CSMD1: variants seen among roughly 807,000 people sequenced by gnomAD.
The protein encoded by CSMD1 is CUB and sushi domain-containing protein 1.
Under a neutral mutation model 417.5 loss-of-function variants are expected in CSMD1, and 213 were observed. That is an observed-to-expected ratio of 0.51 (90% CI 0.46 to 0.57). The LOEUF (loss-of-function observed/expected upper bound fraction) is 0.57. Ranked by LOEUF, CSMD1 falls within the 20% of genes least tolerant of loss-of-function variation. The pLI, the probability that CSMD1 is intolerant of heterozygous loss-of-function variation, is 0.00. For missense variants in CSMD1, 6,923 were observed against 4,529.7 expected (o/e 1.53, Z -15.17); for synonymous variants, 2,862 against 1,736.8 (o/e 1.65, Z -16.11).
At chr8:3,144,636 TACA>T (rs1235307663) in intron 40 of CSMD1, among the ~76,000 whole-genome samples, 1 of 152,116 alleles carries the variant, frequency 6.6e-6, no homozygotes, top group East Asian at 1.9e-4. Context: ...TCTTTAAATT[TACA>T]ACATTTCTGC....
intron 3 of CSMD1, among the ~76,000 whole-genome samples, chr8:4,377,808 G>C (rs1802851221): frequency 6.6e-6 from 1 of 152,122 alleles, no homozygotes; most frequent in African/African-American, 2.4e-5. Context: ...TTGTACAATT[G>C]TTTAGCTTTG....
intron 1 of CSMD1, among the ~76,000 whole-genome samples, chr8:4,929,972 T>C (rs1056534651): frequency 1.3e-5 from 2 of 152,220 alleles, no homozygotes; most frequent in Non-Finnish European, 2.9e-5. Flanking sequence ...TGTTGTGAGA[T>C]CAGGAATTTT....
At chr8:3,758,415 T>C (rs13270331) in intron 5 of CSMD1, among the ~76,000 whole-genome samples, 23,355 of 152,212 alleles carry the variant, frequency 0.15, 1,844 homozygotes, top group Admixed American at 0.19. Flanking sequence ...GTTAAACAAA[T>C]GTTCATAGAC....
At chr8:4,403,833 T>C (rs1019839388) in intron 3 of CSMD1, among the ~76,000 whole-genome samples, 17 of 152,164 alleles carry the variant, frequency 1.1e-4, no homozygotes, top group African/African-American at 2.9e-4. Flanking sequence ...GCATCTGCCA[T>C]TGGGTGTCTG....
intron 5 of CSMD1, among the ~76,000 whole-genome samples, chr8:3,758,353 T>A (rs1467407801): frequency 6.6e-6 from 1 of 152,214 alleles, no homozygotes; most frequent in African/African-American, 2.4e-5. Context: ...TTCAAATGAA[T>A]TGTACCCCGA....
chr8:3,662,083 G>A (rs1218986949), intron 7 of CSMD1, among the ~76,000 whole-genome samples: 2 of 152,128 alleles, frequency 1.3e-5, no homozygotes, highest in Non-Finnish European at 2.9e-5. Context: ...TAGAAACAGA[G>A]AAGGAGCATG....
At chr8:4,600,439 A>T (rs1226889556) in intron 2 of CSMD1, among the ~76,000 whole-genome samples, 1 of 152,194 alleles carries the variant, frequency 6.6e-6, no homozygotes, top group African/African-American at 2.4e-5. Flanking sequence ...TCAGAAATAA[A>T]TTCAAGTGAT....
chr8:4,172,574 C>G (rs1201030709), intron 3 of CSMD1, among the ~76,000 whole-genome samples: 1 of 152,226 alleles, frequency 6.6e-6, no homozygotes, highest in East Asian at 1.9e-4. Context: ...AAATCCAGAA[C>G]TGTATATATG....
chr8:3,300,358 G>A (rs775729454), intron 25 of CSMD1, among the ~76,000 whole-genome samples: 4 of 150,838 alleles, frequency 2.7e-5, no homozygotes, highest in Non-Finnish European at 5.9e-5. Context: ...ACTACATTTA[G>A]GGGTTTTTTT....
intron 2 of CSMD1, among the ~76,000 whole-genome samples, chr8:4,598,353 G>A (rs1800392058): frequency 6.6e-6 from 1 of 152,298 alleles, no homozygotes; most frequent in East Asian, 1.9e-4. Context: ...GGTGTTGGAG[G>A]TTAGGGGCTG....
chr8:4,971,569 G>A (rs1396380722), intron 1 of CSMD1, among the ~76,000 whole-genome samples: 3 of 151,890 alleles, frequency 2.0e-5, no homozygotes, highest in African/African-American at 7.2e-5. Context: ...AATATATTTA[G>A]CAGTAGGCTA....
At position 4,184,418 on chromosome 8, in the gene CSMD1, TC is replaced by T. The variant is rs56804034; in HGVS notation, c.416-152320del. Reference sequence around the variant, plus strand: ...AATAATCTGGAGCATATGAGGATGTTCCTTGCGGCACTATTCACAATATCAA... The same window carrying T: ...AATAATCTGGAGCATATGAGGATGTTCTTGCGGCACTATTCACAATATCAA... On this transcript the variant is annotated intron_variant, in intron 3 of 69. Transcript: ENST00000635120. 4.9e-3 allele frequency among the ~76,000 whole-genome samples: 753 copies of T among 152,270 alleles called. 5 individuals carry two copies. The highest frequency in any genetic ancestry group is 0.017 in the Middle Eastern group (5 of 294).
At chr8:3,136,855 T>C (rs535454388) in intron 41 of CSMD1, among the ~76,000 whole-genome samples, 204 of 152,336 alleles carry the variant, frequency 1.3e-3, no homozygotes, top group African/African-American at 4.7e-3. Context: ...GGACACATGG[T>C]ATTTGTGCCA....
intron 33 of CSMD1, among the ~76,000 whole-genome samples, chr8:3,191,646 G>A (rs1008515174): frequency 1.3e-5 from 2 of 152,108 alleles, no homozygotes; most frequent in East Asian, 1.9e-4. Context: ...ACGTGTGGGT[G>A]AGATAACTAT....
intron 54 of CSMD1, among the ~76,000 whole-genome samples, chr8:2,980,405 C>T (rs1258791871): frequency 1.3e-5 from 2 of 151,554 alleles, no homozygotes; most frequent in African/African-American, 4.9e-5. Flanking sequence ...CCTCCTCCAC[C>T]TCCTTGTCCT....
chr8:4,626,964 A>T (rs1029593087), intron 2 of CSMD1, among the ~76,000 whole-genome samples: 6 of 152,154 alleles, frequency 3.9e-5, no homozygotes, highest in African/African-American at 1.4e-4. Flanking sequence ...AGGGATACGT[A>T]AGTAGGTGAG....
At chr8:4,285,472 A>C (rs1193018602) in intron 3 of CSMD1, among the ~76,000 whole-genome samples, 2 of 152,184 alleles carry the variant, frequency 1.3e-5, no homozygotes, top group East Asian at 3.9e-4. Context: ...AATAATACAG[A>C]AAAAAAGTGG....
intron 26 of CSMD1, among the ~76,000 whole-genome samples, chr8:3,261,927 T>C (rs114859041): frequency 1.3e-5 from 2 of 152,066 alleles, no homozygotes; most frequent in African/African-American, 2.4e-5. Context: ...GTCCTACTTA[T>C]TGATAGTATC....
chr8:3,994,930 T>G (rs1413179667), intron 5 of CSMD1, among the ~76,000 whole-genome samples: 1 of 152,182 alleles, frequency 6.6e-6, no homozygotes, highest in Admixed American at 6.5e-5. Context: ...CATATGTGTA[T>G]CTGCCCTCAC....
Sources: gnomAD v4.1 joint callset for allele counts (sites outside exome capture counted in the v4.1 genomes callset) on GRCh38, gnomAD v4.1.1 for gene constraint, MANE v1.5 for transcripts, NCBI Gene and HGNC (gene_info 2026-07-23, HGNC 2026-07-21) for gene names.